The following HMCN1 variants were observed in gnomAD, a reference collection of about 807,000 sequenced individuals.
HMCN1 encodes hemicentin 1, also known as hemicentin-1.
In HMCN1, 321 loss-of-function variants were observed where a neutral mutation model predicts 625.9. The ratio of observed to expected loss-of-function variants is 0.51; its 90% confidence interval spans 0.47 to 0.56. The LOEUF (loss-of-function observed/expected upper bound fraction) is 0.56. Among genes scored for constraint, HMCN1 ranks in the 20% least tolerant of loss-of-function variants. The probability of loss-of-function intolerance (pLI) is 0.00; values close to 1 mark genes in which losing one functional copy is unlikely to be tolerated. For missense variants in HMCN1, 6,588 were observed against 6,887.3 expected, an observed-to-expected ratio of 0.96 and a Z score of 1.54; for synonymous variants, 2,425 against 2,417.6, an observed-to-expected ratio of 1.00 and a Z score of -0.09.
chr1:185,827,812 CAT>C (rs973793007), intron 1 of HMCN1, among the ~76,000 whole-genome samples: 127 of 151,300 alleles, frequency 8.4e-4, no homozygotes, highest in African/African-American at 2.9e-3. Flanking sequence ...AACATAAAAA[CAT>C]ATCCAAGTAA....
At chr1:185,917,549 C>A (rs573323297) in intron 6 of HMCN1, among the ~76,000 whole-genome samples, 1 of 152,268 alleles carries the variant, frequency 6.6e-6, no homozygotes, top group South Asian at 2.1e-4. Flanking sequence ...TTAGTGAATT[C>A]TTGATGAGTA....
At position 185,880,227 on chromosome 1, in the gene HMCN1, G is replaced by A. The variant is rs74134314; in HGVS notation, c.621+14364G>A. Among the ~76,000 whole-genome samples the A allele has an allele frequency of 7.6e-3, 1,152 of 152,254 alleles. 14 individuals carry two copies. The highest frequency in any genetic ancestry group is 0.025 in the African/African-American group (1,035 of 41,550). On this transcript the variant is annotated intron_variant, in intron 4 of 106. Transcript: ENST00000271588. ...CAACATTGGAATGGACATTTTGGAA[G>A]TCACGGTGAAGACTTTGGTCTAGAA...
intron 1 of HMCN1, among the ~76,000 whole-genome samples, chr1:185,804,549 G>T (rs185220744): frequency 1.3e-3 from 204 of 152,158 alleles, no homozygotes; most frequent in African/African-American, 4.7e-3. Flanking sequence ...AAGTCTTTAT[G>T]AATTTTTTTA....
Position 185,814,681 on chromosome 1 carries a change from T to A in HMCN1, c.269-31345T>A, listed in dbSNP as rs543012315. Among the ~76,000 whole-genome samples, 138 of 141,332 alleles carry A rather than the reference T, an allele frequency of 9.8e-4. 15 individuals carry two copies. Among genetic ancestry groups the A allele is most frequent in the African/African-American group, 3.9e-3 (124 of 32,038 alleles). 92.7% of individuals were successfully genotyped at this position (141,332 alleles called of 152,430 possible). A position where few individuals can be genotyped will look rare whatever the true frequency, so the allele number is the denominator to read the frequency against. ...TATTGCACTTAATATTTATTTTTTT[T>A]AATTATTATTATTTATTTTTTTTTT... On this transcript the variant is annotated intron_variant, in intron 1 of 106. Coordinates refer to ENST00000271588, the MANE Select transcript of HMCN1 (RefSeq NM_031935.3).
chr1:185,866,653 G>A (rs1212357717), intron 4 of HMCN1, among the ~76,000 whole-genome samples: 1 of 151,678 alleles, frequency 6.6e-6, no homozygotes, highest in Admixed American at 6.6e-5. Context: ...TGATCCGCCC[G>A]CCTCGGCCTC....
intron 104 of HMCN1, 125 bp from the exon 105 acceptor site, chr1:186,182,043 C>T: frequency 9.8e-7 from 1 of 1,023,580 alleles, no homozygotes; most frequent in Non-Finnish European, 1.5e-6. Context: ...CATTTTTTAA[C>T]ACATGAGTAT....
intron 2 of HMCN1, among the ~76,000 whole-genome samples, chr1:185,852,011 C>A (rs182453578): frequency 6.6e-6 from 1 of 151,998 alleles, no homozygotes; most frequent in East Asian, 1.9e-4. Context: ...TCTGGAAAAG[C>A]ATTGTCACAT....
At chr1:186,186,994 T>A (rs74136066) in intron 105 of HMCN1, among the ~76,000 whole-genome samples, 17,674 of 135,164 alleles carry the variant, frequency 0.13, 1,553 homozygotes, top group African/African-American at 0.16. Flanking sequence ...TGTCTCTGTC[T>A]CACACACACA....
At chr1:186,164,714 C>T (rs186952048) in intron 97 of HMCN1, among the ~76,000 whole-genome samples, 2 of 152,266 alleles carry the variant, frequency 1.3e-5, no homozygotes, top group East Asian at 3.9e-4. Context: ...TTCACGGGCA[C>T]AAATTATTTT....
At chr1:186,144,759 T>G in intron 91 of HMCN1, 56 bp downstream of exon 91, 2 of 1,580,812 alleles carry the variant, frequency 1.3e-6, no homozygotes, top group Non-Finnish European at 1.7e-6. Flanking sequence ...TCATTATGAC[T>G]GTAATTCCTT....
chr1:186,164,336 T>C (rs1651734739), intron 97 of HMCN1, among the ~76,000 whole-genome samples: 1 of 149,196 alleles, frequency 6.7e-6, no homozygotes, highest in Non-Finnish European at 1.5e-5. Context: ...GCCTCCTGGG[T>C]TCACGCCATT....
intron 12 of HMCN1, 48 bp downstream of exon 12, chr1:185,962,707 GATGA>G: frequency 9.0e-7 from 1 of 1,113,750 alleles, no homozygotes; most frequent in Admixed American, 1.7e-5. Flanking sequence ...GAGAAAAATT[GATGA>G]GACTTCTGGA....
chr1:185,989,353 A>G, intron 20 of HMCN1, 135 bp from the exon 21 acceptor site: 4 of 1,016,912 alleles, frequency 3.9e-6, no homozygotes, highest in Non-Finnish European at 6.0e-6. Flanking sequence ...TCAAGTTAGC[A>G]TTTTAAAATT....
chr1:185,794,343 T>TCATA (rs544015735), intron 1 of HMCN1, among the ~76,000 whole-genome samples: 1 of 147,642 alleles, frequency 6.8e-6, no homozygotes. Flanking sequence ...AGAGGATAGA[T>TCATA]TATATATATA....
At chr1:185,977,669 C>A in intron 15 of HMCN1, 118 bp from the exon 16 acceptor site, 1 of 747,772 alleles carries the variant, frequency 1.3e-6, no homozygotes, top group Non-Finnish European at 2.3e-6. Flanking sequence ...GGTAAATTTA[C>A]AATATAATAT....
intron 2 of HMCN1, 52 bp from the exon 3 acceptor site, chr1:185,864,418 A>G: frequency 6.3e-7 from 1 of 1,584,368 alleles, no homozygotes; most frequent in African/African-American, 1.3e-5. Flanking sequence ...TAACCAAAAT[A>G]TTCAATTGTT....
At chr1:186,152,954 G>C (rs1225097764) in intron 96 of HMCN1, 83 bp downstream of exon 96, 1 of 1,535,662 alleles carries the variant, frequency 6.5e-7, no homozygotes, top group Admixed American at 1.7e-5. Context: ...CAGATAACTT[G>C]TTCACTCTGT....
chr1:186,054,028 A>G, intron 44 of HMCN1, 42 bp downstream of exon 44: 1 of 1,572,190 alleles, frequency 6.4e-7, no homozygotes, highest in Non-Finnish European at 8.7e-7. Flanking sequence ...ATGTTCTCTT[A>G]AATCTTTTCA....
At chr1:185,806,496 G>A (rs1367035802) in intron 1 of HMCN1, among the ~76,000 whole-genome samples, 1 of 144,730 alleles carries the variant, frequency 6.9e-6, no homozygotes, top group South Asian at 2.2e-4. Context: ...TCAGTGAGTT[G>A]TGATCATGCC....
Sources: gnomAD v4.1 joint callset for allele counts (sites outside exome capture counted in the v4.1 genomes callset) on GRCh38, gnomAD v4.1.1 for gene constraint, MANE v1.5 for transcripts, NCBI Gene and HGNC (gene_info 2026-07-23, HGNC 2026-07-21) for gene names.